The following KCNV2 variants were observed in gnomAD, a reference collection of about 807,000 sequenced individuals.
KCNV2 encodes potassium voltage-gated channel subfamily V member 2.
KCNV2 carries 65 observed loss-of-function variants against 37.0 expected under a neutral mutation model. That is an observed-to-expected ratio of 1.76 (90% CI 1.44 to 2.16). The LOEUF (loss-of-function observed/expected upper bound fraction) is 2.16. KCNV2 is among the 30% of genes most tolerant of loss of function. The pLI is 0.00. For synonymous variants in KCNV2, 518 were observed against 328.6 expected, an observed-to-expected ratio of 1.58 and a Z score of -6.23; for missense variants, 1,232 against 766.7, an observed-to-expected ratio of 1.61 and a Z score of -7.17.
chr9:2,729,046 C>A (rs1431094802), intron 1 of KCNV2, among the ~76,000 whole-genome samples: 1 of 152,132 alleles, frequency 6.6e-6, no homozygotes. Flanking sequence ...AACCCAGGGA[C>A]CTGCTTTCCT....
chr9:2,717,657 T>C lies in KCNV2; in HGVS notation c.-83T>C. 2 of 1,574,910 alleles carry C rather than the reference T, an allele frequency of 1.3e-6. No individual in the cohort carries two copies. The highest frequency in any genetic ancestry group is 4.5e-5 in the East Asian group (2 of 44,692). ...CTCTAAGACAGTGCAGGCCACGTGA[T>C]CCATCCTCCTAGAGGCAGTGAGCAG... On this transcript the variant is annotated 5_prime_UTR_variant, in exon 1 of 2. Coordinates refer to ENST00000382082, the MANE Select transcript of KCNV2 (RefSeq NM_133497.4).
chr9:2,722,245 A>C (rs1275435561), intron 1 of KCNV2, among the ~76,000 whole-genome samples: 1 of 141,810 alleles, frequency 7.1e-6, no homozygotes, highest in South Asian at 2.1e-4. Context: ...ATAAATTAGA[A>C]GTTATTTATT....
chr9:2,719,719 A>C (rs12350920), intron 1 of KCNV2, among the ~76,000 whole-genome samples: 1 of 152,314 alleles, frequency 6.6e-6, no homozygotes, highest in Non-Finnish European at 1.5e-5. Context: ...TGAAGTACAG[A>C]GAGTTTGAAT....
Position 2,729,800 on chromosome 9 carries a change from A to G in KCNV2, c.*73A>G. On this transcript the variant is annotated 3_prime_UTR_variant, in exon 2 of 2. Transcript: ENST00000382082. The stretch of plus-strand genomic sequence containing the variant: ...CATTGCTCTTTTTTTAATCATTATG[A>G]TTGGCAGCAAAAGGAAATGTGAAGC... The G allele has an allele frequency of 6.7e-7, 1 of 1,488,738 alleles. No homozygotes were observed. The highest frequency in any genetic ancestry group is 9.4e-7 in the Non-Finnish European group (1 of 1,068,022). 92.2% of individuals were successfully genotyped at this position (1,488,738 alleles called of 1,614,324 possible). A position where few individuals can be genotyped will look rare whatever the true frequency, so the allele number is the denominator to read the frequency against.
chr9:2,729,476 A>T lies in KCNV2; in HGVS notation c.1387A>T (p.Met463Leu), dbSNP rs749491193. 6.2e-7 allele frequency: 1 copy of T among 1,613,978 alleles called. No homozygotes were observed. Among genetic ancestry groups the T allele is most frequent in the Non-Finnish European group, 8.5e-7 (1 of 1,179,994 alleles). ...CATCTCCACCGTGGGCTACGGAGAC[A>T]TGTACCCAGAGACCCACCTGGGCAG... ...VSISTVGYGDMYPETHLGRFF... is the reference protein window; with the variant it reads ...VSISTVGYGDLYPETHLGRFF... The change falls in exon 2 of 2, where the codon ATG (methionine) becomes TTG (leucine). Residue 463 changes from methionine to leucine, a missense_variant. Physicochemically the swap from Met to Leu is conservative, Grantham distance 15. Transcript: ENST00000382082.
chr9:2,729,323 G>C, intron 1 of KCNV2, 123 bp from the exon 2 acceptor site: 1 of 1,040,062 alleles, frequency 9.6e-7, no homozygotes, highest in Non-Finnish European at 1.5e-6. Flanking sequence ...CAGGCTCCGT[G>C]GGAAGCCATT....
At chr9:2,720,251 T>A (rs1390389055) in intron 1 of KCNV2, among the ~76,000 whole-genome samples, 1 of 152,208 alleles carries the variant, frequency 6.6e-6, no homozygotes, top group Non-Finnish European at 1.5e-5. Context: ...TTAGAAAACC[T>A]GATTCTAGTC....
At position 2,718,786 on chromosome 9, in the gene KCNV2, G is replaced by T. The variant is rs761404248; in HGVS notation, c.1047G>T (p.Gln349His). 1.2e-6 allele frequency: 2 copies of T among 1,610,918 alleles called. No individual in the cohort carries two copies. The highest frequency in any genetic ancestry group is 2.2e-5 in the South Asian group (2 of 91,084). Residue 349 changes from glutamine (Q) to histidine (H), a missense_variant, in exon 1 of 2, where the codon CAG becomes CAT. Gln to His is a conservative substitution (Grantham distance 24). Coordinates refer to ENST00000382082, the MANE Select transcript of KCNV2 (RefSeq NM_133497.4). ...DLVAILPLYL[Q>H]LLLECFTGEG... ...TGGCCATCCTGCCGCTCTACCTTCA[G>T]CTGCTGCTCGAGTGCTTCACGGGCG...
rs780625453 is a variant in KCNV2 at position 2,718,867 on chromosome 9, G to A, written c.1128G>A (p.Leu376=). The A allele has an allele frequency of 6.2e-7, 1 of 1,608,900 alleles. No individual in the cohort carries two copies. Among genetic ancestry groups the A allele is most frequent in the South Asian group, 1.1e-5 (1 of 91,088 alleles). Residue 376 remains leucine, a synonymous_variant, in exon 1 of 2, where the codon TTG becomes TTA. Transcript: ENST00000382082. ...GCGTGGGTAAGGTGGGTCAGGTGTTGCGCGTCATGCGCCTCATGCGCATCT... is the reference window on the plus strand; with the variant it reads ...GCGTGGGTAAGGTGGGTCAGGTGTTACGCGTCATGCGCCTCATGCGCATCT... The part of the protein sequence containing the change: ...VGSVGKVGQV[L]RVMRLMRIFR...
chr9:2,728,261 G>A (rs1008610558), intron 1 of KCNV2, among the ~76,000 whole-genome samples: 11 of 152,152 alleles, frequency 7.2e-5, no homozygotes, highest in African/African-American at 1.4e-4. Flanking sequence ...CTTTACTGCC[G>A]TCTGCTGGAA....
intron 1 of KCNV2, among the ~76,000 whole-genome samples, chr9:2,725,699 G>C (rs77007789): frequency 0.043 from 6,500 of 152,034 alleles, 215 homozygotes; most frequent in Non-Finnish European, 0.064. Flanking sequence ...TTGGAAAACA[G>C]AAAGAGTGTT....
Position 2,718,393 on chromosome 9 carries a change from C to G in KCNV2, c.654C>G (p.His218Gln), listed in dbSNP as rs372007584. The change falls in exon 1 of 2, where the codon CAC (histidine) becomes CAG (glutamine). Residue 218 changes from histidine to glutamine, a missense_variant. By Grantham distance (24) the His-to-Gln change is conservative. Transcript: ENST00000382082. ...TGAGCGAACGGCTCAAGATCCAGCA[C>G]GAGCTGCGCGCGCAGGCGCAGGTCG... ...DELSERLKIQ[H>Q]ELRAQAQVEE... is the part of the protein sequence containing the mutation. 5.6e-6 allele frequency: 9 copies of G among 1,601,062 alleles called. No homozygotes were observed. Among genetic ancestry groups the G allele is most frequent in the South Asian group, 1.1e-5 (1 of 89,650 alleles).
chr9:2,723,622 T>TA (rs1819918755), intron 1 of KCNV2, among the ~76,000 whole-genome samples: 1 of 152,242 alleles, frequency 6.6e-6, no homozygotes, highest in South Asian at 2.1e-4. Context: ...CTGCAATAAA[T>TA]AGAAGCTACC....
At chr9:2,722,691 A>G (rs1475495602) in intron 1 of KCNV2, among the ~76,000 whole-genome samples, 7 of 152,010 alleles carry the variant, frequency 4.6e-5, no homozygotes, top group East Asian at 1.9e-4. Context: ...CTGAAATTCA[A>G]TGGCTTAAAA....
rs537588654 is a variant in KCNV2 at position 2,729,623 on chromosome 9, C to A, written c.1534C>A (p.Arg512Ser). 2.5e-6 allele frequency: 4 copies of A among 1,613,978 alleles called. No individual in the cohort carries two copies. The highest frequency in any genetic ancestry group is 1.3e-5 in the African/African-American group (1 of 74,970). Residue 512 changes from arginine (R) to serine (S), a missense_variant, in exon 2 of 2, where the codon CGC (arginine) becomes AGC (serine). Transcript: ENST00000382082. ...GAAGGCTTATGAGTATACCACCATACGCAGGGAGAGGGGAGAGGTGAACTT... is the reference window on the plus strand; with the variant it reads ...GAAGGCTTATGAGTATACCACCATAAGCAGGGAGAGGGGAGAGGTGAACTT... ...KLKAYEYTTI[R>S]RERGEVNFMQ... is the part of the protein sequence containing the mutation.
intron 1 of KCNV2, among the ~76,000 whole-genome samples, chr9:2,726,671 G>A (rs933653678): frequency 2.0e-5 from 3 of 152,170 alleles, no homozygotes; most frequent in Admixed American, 6.5e-5. Flanking sequence ...TTGGACTTCC[G>A]TGGATGTCTC....
chr9:2,718,713 C>T lies in KCNV2; in HGVS notation c.974C>T (p.Pro325Leu). 6.2e-7 allele frequency: 1 copy of T among 1,613,086 alleles called. No individual in the cohort carries two copies. Among genetic ancestry groups the T allele is most frequent in the Non-Finnish European group, 8.5e-7 (1 of 1,179,848 alleles). Residue 325 changes from proline (P) to leucine (L), a missense_variant, in exon 1 of 2, where the codon CCC (proline) becomes CTC (leucine). Coordinates refer to ENST00000382082, the MANE Select transcript of KCNV2 (RefSeq NM_133497.4). ...TACCTGCTGCGCCTAGCCTCCACGC[C>T]CGACCTGAGGCGCTTCGCGCGCAGC... Reference protein sequence around the residue: ...LEYLLRLASTPDLRRFARSAL... With the variant: ...LEYLLRLASTLDLRRFARSAL...
chr9:2,723,342 C>G (rs1050025056), intron 1 of KCNV2, among the ~76,000 whole-genome samples: 1 of 152,162 alleles, frequency 6.6e-6, no homozygotes, highest in Admixed American at 6.5e-5. Flanking sequence ...CCAAATCTGA[C>G]TTGCTTTTAA....
At chr9:2,724,939 G>A (rs1169041981) in intron 1 of KCNV2, among the ~76,000 whole-genome samples, 2 of 152,246 alleles carry the variant, frequency 1.3e-5, no homozygotes, top group African/African-American at 4.8e-5. Flanking sequence ...ACCTCCTTCA[G>A]AAGTAGCACA....
Sources: gnomAD v4.1 joint callset for allele counts (sites outside exome capture counted in the v4.1 genomes callset) on GRCh38, gnomAD v4.1.1 for gene constraint, MANE v1.5 for transcripts, NCBI Gene and HGNC (gene_info 2026-07-23, HGNC 2026-07-21) for gene names.